The following ADAP1 variants were observed in gnomAD, a reference collection of about 807,000 sequenced individuals.
ADAP1 encodes ArfGAP with dual PH domains 1, also known as arf-GAP with dual PH domain-containing protein 1.
A neutral mutation model predicts 54.9 loss-of-function variants in ADAP1; 31 were observed. That is an observed-to-expected ratio of 0.56 (90% CI 0.42 to 0.76). ADAP1 has a LOEUF of 0.76. ADAP1 is among the 30% of genes least tolerant of loss of function. The pLI is 0.00. For missense variants in ADAP1, 535 were observed against 512.4 expected (o/e 1.04, Z -0.42); for synonymous variants, 313 against 202.6 (o/e 1.55, Z -4.63).
intron 2 of ADAP1, 168 bp downstream of exon 2, chr7:935,207 G>T: frequency 1.1e-6 from 1 of 946,044 alleles, no homozygotes; most frequent in South Asian, 1.4e-5. Flanking sequence ...CCACACAGGC[G>T]GAGCCGCTGG....
chr7:909,597 G>C (rs1166324780), intron 4 of ADAP1, among the ~76,000 whole-genome samples: 1 of 152,234 alleles, frequency 6.6e-6, no homozygotes. Flanking sequence ...GGCCTCGCTG[G>C]GGAGGGCCAG....
At chr7:928,802 C>T (rs10251845) in intron 2 of ADAP1, among the ~76,000 whole-genome samples, 11,159 of 152,282 alleles carry the variant, frequency 0.073, 595 homozygotes, top group East Asian at 0.3. Flanking sequence ...TTCCTCAAAA[C>T]GGTAAACACA....
In ADAP1 at chr7:915,296, A is replaced by C. The variant is rs76214164; in HGVS notation, c.388+4672T>G. 0.012 allele frequency among the ~76,000 whole-genome samples: 1,769 copies of C among 151,966 alleles called. 63 individuals are homozygous for C. The East Asian group carries it at 0.12, about 11-fold the overall frequency. ...CCCGTACATCTCGTCTGTGTACCTC[A>C]CCCGTGCCTCATGCACACTGTGCAC... On this transcript the variant is annotated intron_variant, in intron 4 of 10. Coordinates refer to ENST00000265846, the MANE Select transcript of ADAP1 (RefSeq NM_006869.4).
intron 5 of ADAP1, among the ~76,000 whole-genome samples, chr7:904,588 G>A (rs1427014240): frequency 6.6e-6 from 1 of 152,148 alleles, no homozygotes; most frequent in Non-Finnish European, 1.5e-5. Flanking sequence ...CCAGCCACCA[G>A]CCCACCTCCA....
chr7:900,631 G>A lies in ADAP1; in HGVS notation c.649-15C>T, dbSNP rs3824078. On this transcript the variant is annotated splice_polypyrimidine_tract_variant and intron_variant, in intron 6 of 10. Coordinates refer to ENST00000265846, the MANE Select transcript of ADAP1 (RefSeq NM_006869.4). ...TCCACAATCTCCTAGGGGCAAAGGTGGGCACAGGCTTGGGCTGAGGAGGCT... is the reference window on the plus strand; with the variant it reads ...TCCACAATCTCCTAGGGGCAAAGGTAGGCACAGGCTTGGGCTGAGGAGGCT... 180 of 1,508,266 alleles carry A rather than the reference G, an allele frequency of 1.2e-4. No homozygotes were observed. The highest frequency in any genetic ancestry group is 4.1e-4 in the Admixed American group (20 of 49,322). The allele number at this position is 1,508,266 out of a possible 1,614,324, so 93.4% of individuals were successfully genotyped here. A position where few individuals can be genotyped will look rare whatever the true frequency, so the allele number is the denominator to read the frequency against.
chr7:904,975 G>A (rs1031857429), intron 5 of ADAP1, 85 bp downstream of exon 5: 3 of 1,198,468 alleles, frequency 2.5e-6, no homozygotes, highest in South Asian at 1.2e-5. Context: ...AGCTGCGGAT[G>A]GACGCGGCCA....
intron 4 of ADAP1, 84 bp downstream of exon 4, chr7:919,884 G>T: frequency 1.2e-6 from 1 of 819,348 alleles, no homozygotes; most frequent in Non-Finnish European, 1.8e-6. Context: ...AAGAGATGGG[G>T]GAGGGAGGGA....
At chr7:936,752 C>T (rs1309799341) in intron 1 of ADAP1, among the ~76,000 whole-genome samples, 1 of 152,230 alleles carries the variant, frequency 6.6e-6, no homozygotes, top group Non-Finnish European at 1.5e-5. Context: ...AGTGGAGGCT[C>T]TCCTGGGTGA....
chr7:920,963 A>T lies in ADAP1; in HGVS notation c.306-913T>A. On this transcript the variant is annotated intron_variant, in intron 3 of 10. Transcript: ENST00000265846. This position sits in a 1 kb window ranked among gnomAD's most constrained non-coding sequence, Gnocchi z 4.5. ...GAACAGCCTTGGAGACTGGGCGGGA[A>T]TCCTCGCCCACAGGATCTGATGGGT... 2 of 1,194,254 alleles carry T rather than the reference A, an allele frequency of 1.7e-6. No individual in the cohort carries two copies. Among genetic ancestry groups the T allele is most frequent in the Non-Finnish European group, 1.2e-6 (1 of 843,626 alleles). 74.0% of individuals were successfully genotyped at this position (1,194,254 alleles called of 1,614,324 possible).
In ADAP1 at chr7:920,959, G is replaced by A. The variant is rs972489386; in HGVS notation, c.306-909C>T. The A allele has an allele frequency of 1.5e-5, 18 of 1,234,136 alleles. No individual in the cohort carries two copies. Among genetic ancestry groups the A allele is most frequent in the African/African-American group, 4.5e-5 (3 of 66,990 alleles). 76.4% of individuals were successfully genotyped at this position (1,234,136 alleles called of 1,614,324 possible). On this transcript the variant is annotated intron_variant, in intron 3 of 10. Coordinates refer to ENST00000265846, the MANE Select transcript of ADAP1 (RefSeq NM_006869.4). This position sits in a 1 kb window ranked among gnomAD's most constrained non-coding sequence, Gnocchi z 4.5. ...ACGTGAACAGCCTTGGAGACTGGGC[G>A]GGAATCCTCGCCCACAGGATCTGAT... is the stretch of plus-strand genomic sequence containing the variant.
In ADAP1 at chr7:938,955, C is replaced by G. The variant is rs1421300095; in HGVS notation, c.83-3450G>C. On this transcript the variant is annotated intron_variant, in intron 1 of 10. Transcript: ENST00000265846. This position sits in a 1 kb window ranked among gnomAD's most constrained non-coding sequence, Gnocchi z 4.4. ...ATGCCTGTGCCCACCTCCAACCTCA[C>G]TCGGGTGCTCCGGGACAGGCTGTCC... Among the ~76,000 whole-genome samples, 1 of 152,226 alleles carries G rather than the reference C, an allele frequency of 6.6e-6. No homozygotes were observed. Among genetic ancestry groups the G allele is most frequent in the Non-Finnish European group, 1.5e-5 (1 of 68,040 alleles).
At chr7:905,841 AGAAG>A (rs1361313678) in intron 4 of ADAP1, among the ~76,000 whole-genome samples, 2 of 51,736 alleles carry the variant, frequency 3.9e-5, no homozygotes, top group African/African-American at 5.6e-5. Flanking sequence ...GGGAGAAGGG[AGAAG>A]GGAGAAGGGA....
Position 905,283 on chromosome 7 carries a change from GACGGGGGACACGGACAGGGGGAGACGGAC to G in ADAP1, c.389-140_389-112del, listed in dbSNP as rs773783688. ...ATGGGGAGAAGACACGGGGGACACG[GACGGGGGACACGGACAGGGGGAGACGGAC>G]GGGGAGAGGGGACATGGAGGAGACA... On this transcript the variant is annotated intron_variant, in intron 4 of 10. Coordinates refer to ENST00000265846, the MANE Select transcript of ADAP1 (RefSeq NM_006869.4). 9.3e-3 allele frequency: 3,798 copies of G among 406,330 alleles called. 128 individuals are homozygous for G. The highest frequency in any genetic ancestry group is 0.013 in the Non-Finnish European group (3,151 of 242,486). 25.2% of individuals were successfully genotyped at this position (406,330 alleles called of 1,614,324 possible).
In ADAP1 at chr7:954,387, C is replaced by A; in HGVS notation, c.82+9G>T. On this transcript the variant is annotated intron_variant, in intron 1 of 10. Coordinates refer to ENST00000265846, the MANE Select transcript of ADAP1 (RefSeq NM_006869.4). ...CACCCGGCCCCGCGCCCACCCGGCC[C>A]ACACCTACCCGGGGCGCCGCAGTCC... 9.0e-7 allele frequency: 1 copy of A among 1,111,786 alleles called. No individual in the cohort carries two copies. The highest frequency in any genetic ancestry group is 1.1e-6 in the Non-Finnish European group (1 of 904,524). 68.9% of individuals were successfully genotyped at this position (1,111,786 alleles called of 1,614,324 possible). A position where few individuals can be genotyped will look rare whatever the true frequency, so the allele number is the denominator to read the frequency against.
At chr7:907,198 G>A (rs144114906) in intron 4 of ADAP1, among the ~76,000 whole-genome samples, 1 of 152,320 alleles carries the variant, frequency 6.6e-6, no homozygotes, top group Non-Finnish European at 1.5e-5. Context: ...CAGAAAAGTA[G>A]CCCGGGCATC....
chr7:931,809 AAAG>A (rs930617806), intron 2 of ADAP1, among the ~76,000 whole-genome samples: 13 of 150,636 alleles, frequency 8.6e-5, no homozygotes, highest in African/African-American at 1.9e-4. Flanking sequence ...GAAGAAAAGG[AAAG>A]AAGAGAAGAA....
At chr7:929,674 T>C (rs1846505144) in intron 2 of ADAP1, among the ~76,000 whole-genome samples, 1 of 151,958 alleles carries the variant, frequency 6.6e-6, no homozygotes, top group South Asian at 2.1e-4. Flanking sequence ...CCGGCTGTGT[T>C]GGGACGTTAA....
chr7:911,585 G>A (rs1240925214), intron 4 of ADAP1, among the ~76,000 whole-genome samples: 3 of 143,394 alleles, frequency 2.1e-5, no homozygotes, highest in African/African-American at 7.9e-5. Flanking sequence ...GTCCCACGGA[G>A]GGCCAGGAAG....
intron 1 of ADAP1, among the ~76,000 whole-genome samples, chr7:936,691 G>C (rs527500474): frequency 1.6e-4 from 25 of 152,342 alleles, no homozygotes; most frequent in Non-Finnish European, 2.5e-4. Flanking sequence ...ACCCTAGAGA[G>C]AACAGTCTCT....
Sources: gnomAD v4.1 joint callset for allele counts (sites outside exome capture counted in the v4.1 genomes callset) on GRCh38, gnomAD v4.1.1 for gene constraint, Gnocchi (gnomAD v3.1) non-coding constraint, MANE v1.5 for transcripts, NCBI Gene and HGNC (gene_info 2026-07-23, HGNC 2026-07-21) for gene names.